UNC13D: variants seen among roughly 807,000 people sequenced by gnomAD.
The protein encoded by UNC13D is unc-13 homolog D.
In UNC13D, 115 loss-of-function variants were observed where a neutral mutation model predicts 151.7. The ratio of observed to expected loss-of-function variants is 0.76; its 90% CI spans 0.65 to 0.88. The LOEUF (loss-of-function observed/expected upper bound fraction) is 0.88, where lower values mean the gene tolerates loss of function less well. Among genes scored for constraint, UNC13D ranks in the 40% least tolerant of loss-of-function variants. The pLI, the probability that UNC13D is intolerant of heterozygous loss-of-function variation, is 0.00. For missense variants in UNC13D, 1,369 were observed against 1,438.7 expected, an observed-to-expected ratio of 0.95 and a Z score of 0.78; for synonymous variants, 588 against 612.2, an observed-to-expected ratio of 0.96 and a Z score of 0.58.
At chr17:75,835,950 G>A (rs2064905598) in intron 17 of UNC13D, 44 bp from the exon 18 acceptor site, 1 of 1,614,140 alleles carries the variant, frequency 6.2e-7, no homozygotes, top group Non-Finnish European at 8.5e-7. Context: ...ATACACCAGG[G>A]TCCCCATGGT....
chr17:75,841,012 A>G lies in UNC13D; in HGVS notation c.570-11T>C. 1 of 1,613,998 alleles carries G rather than the reference A, an allele frequency of 6.2e-7. No homozygotes were observed. ...ATGTCCTCAAACTCCCTGTATGGAG[A>G]AAAGGGCGTGGTTGAGGGCCCTGGA... is the stretch of plus-strand genomic sequence containing the variant. On this transcript the variant is annotated splice_polypyrimidine_tract_variant and intron_variant, in intron 6 of 31. Transcript: ENST00000207549.
At chr17:75,830,897 C>T (rs1241585635) in intron 27 of UNC13D, among the ~76,000 whole-genome samples, 4 of 152,078 alleles carry the variant, frequency 2.6e-5, no homozygotes, top group Non-Finnish European at 5.9e-5. Flanking sequence ...GCACACAGGG[C>T]CCCTGTGCTT....
intron 30 of UNC13D, among the ~76,000 whole-genome samples, chr17:75,829,486 G>A (rs1351285200): frequency 6.6e-6 from 1 of 151,662 alleles, no homozygotes; most frequent in Non-Finnish European, 1.5e-5. Context: ...GTAGAGACGG[G>A]GTTTCACCAT....
Position 75,836,858 on chromosome 17 carries a change from C to T in UNC13D, c.1116G>A (p.Leu372=), listed in dbSNP as rs756618238. Residue 372 remains leucine (L), a synonymous_variant, in exon 13 of 32, where the codon CTG becomes CTA. Transcript: ENST00000207549. ...GGTACTCGATGCTGGTGATGGGGTG[C>T]AGGAGGCAGCTGCTGGGGAACTCCA... ...QSLEFPSSCL[L]HPITSIEYQW... 6.8e-6 allele frequency: 11 copies of T among 1,613,830 alleles called. No homozygotes were observed. In the Admixed American group the frequency reaches 1.8e-4, roughly 27 times the overall value.
intron 6 of UNC13D, 136 bp downstream of exon 6, chr17:75,842,297 G>T: frequency 6.5e-6 from 8 of 1,231,140 alleles, no homozygotes; most frequent in Non-Finnish European, 8.9e-6. Flanking sequence ...CTGGAGATGG[G>T]CTTCTCCTCT....
chr17:75,841,108 C>G, intron 6 of UNC13D, 107 bp from the exon 7 acceptor site: 1 of 1,092,152 alleles, frequency 9.2e-7, no homozygotes, highest in Non-Finnish European at 1.4e-6. Flanking sequence ...CTATCCCTGC[C>G]AAACTTCCCT....
In UNC13D at chr17:75,839,868, C is replaced by G. The variant is rs2064934958; in HGVS notation, c.1026G>C (p.Lys342Asn). 4.3e-6 allele frequency: 7 copies of G among 1,613,938 alleles called. No individual in the cohort carries two copies. Among genetic ancestry groups the G allele is most frequent in the Non-Finnish European group, 5.1e-6 (6 of 1,180,016 alleles). Reference protein sequence around the residue: ...ATVLFLHATQKDLSDFHQSMA... With the variant: ...ATVLFLHATQNDLSDFHQSMA... ...TGGACTGGTGGAAGTCGGATAGGTCCTTCTGTGTGGCGTGCAGAAAGAGGA... is the reference window on the plus strand; with the variant it reads ...TGGACTGGTGGAAGTCGGATAGGTCGTTCTGTGTGGCGTGCAGAAAGAGGA... Residue 342 changes from lysine to asparagine, a missense_variant, in exon 12 of 32, where the codon AAG becomes AAC. Transcript: ENST00000207549.
Position 75,836,380 on chromosome 17 carries a change from T to C in UNC13D, c.1348A>G (p.Asn450Asp). The change falls in exon 15 of 32, where the codon AAC becomes GAC. Residue 450 changes from asparagine to aspartate, a missense_variant. Physicochemically the swap from Asn to Asp is conservative, Grantham distance 23 (BLOSUM62 1). This residue lies in a region of UNC13D where 550 missense variants were observed against 609.0 expected (regional missense o/e 0.90). Transcript: ENST00000207549. Reference sequence around the variant, plus strand: ...ACCAGCTGGGGCAATGGGGCGGTGTTGGGGCACAGTTCTCCAAAGGCCTTC... The same window carrying C: ...ACCAGCTGGGGCAATGGGGCGGTGTCGGGGCACAGTTCTCCAAAGGCCTTC... Reference protein sequence around the residue: ...KMKAFGELCPNTAPLPQLVTE... With the variant: ...KMKAFGELCPDTAPLPQLVTE... 1 of 1,613,874 alleles carries C rather than the reference T, an allele frequency of 6.2e-7. No individual in the cohort carries two copies. The highest frequency in any genetic ancestry group is 1.1e-5 in the South Asian group (1 of 91,084).
chr17:75,844,135 G>A, intron 1 of UNC13D, 86 bp downstream of exon 1: 1 of 1,554,076 alleles, frequency 6.4e-7, no homozygotes, highest in Admixed American at 1.7e-5. Context: ...CAGCCTTCGA[G>A]AGGTGGGGCC....
At chr17:75,829,027 A>G in intron 30 of UNC13D, 44 bp from the exon 31 acceptor site, 1 of 1,587,534 alleles carries the variant, frequency 6.3e-7, no homozygotes, top group Non-Finnish European at 8.5e-7. Context: ...CAGCACAGCC[A>G]CCCCAGCCTC....
intron 27 of UNC13D, among the ~76,000 whole-genome samples, 196 bp from the exon 28 acceptor site, chr17:75,830,857 C>T (rs146767675): frequency 0.017 from 2,613 of 152,294 alleles, 68 homozygotes; most frequent in African/African-American, 0.059. Context: ...GCTTCACAGG[C>T]GTGCTTCCCC....
In UNC13D at chr17:75,827,449, G is replaced by A. The variant is rs976111946; in HGVS notation, c.*516C>T. ...CTGGCCTGGATGCTGGCAGCCCCTG[G>A]GGAGAGGACCCAGGCCCCCTCTAGT... is the stretch of plus-strand genomic sequence containing the variant. On this transcript the variant is annotated 3_prime_UTR_variant, in exon 32 of 32. Transcript: ENST00000207549. 2.1e-6 allele frequency: 3 copies of A among 1,442,058 alleles called. No individual in the cohort carries two copies. In the African/African-American group the frequency reaches 4.3e-5, roughly 21 times the overall value. The allele number at this position is 1,442,058 out of a possible 1,614,324, so 89.3% of individuals were successfully genotyped here.
intron 12 of UNC13D, among the ~76,000 whole-genome samples, chr17:75,839,003 G>T (rs1383946452): frequency 2.6e-5 from 4 of 152,204 alleles, no homozygotes; most frequent in Non-Finnish European, 2.9e-5. Flanking sequence ...GGGAGGCTGA[G>T]GCAGGAGAAT....
chr17:75,841,621 T>TAGGAG (rs2064950178), intron 6 of UNC13D, among the ~76,000 whole-genome samples: 1 of 150,658 alleles, frequency 6.6e-6, no homozygotes, highest in East Asian at 2.0e-4. Context: ...TTTGTACTTT[T>TAGGAG]AGGAGAGGTG....
intron 31 of UNC13D, 81 bp from the exon 32 acceptor site, chr17:75,828,167 G>C: frequency 6.6e-7 from 1 of 1,508,068 alleles, no homozygotes; most frequent in South Asian, 1.2e-5. Flanking sequence ...GTGTGGGGGG[G>C]TACACAACAC....
At chr17:75,839,663 G>A (rs903919680) in intron 12 of UNC13D, among the ~76,000 whole-genome samples, 176 bp downstream of exon 12, 1 of 152,086 alleles carries the variant, frequency 6.6e-6, no homozygotes, top group Non-Finnish European at 1.5e-5. Flanking sequence ...GTGAGCCACC[G>A]CATCAGCCGA....
rs144078744 is a variant in UNC13D at position 75,836,346 on chromosome 17, G to A, written c.1382C>T (p.Ala461Val). The A allele has an allele frequency of 1.9e-5, 30 of 1,613,850 alleles. No homozygotes were observed. Among genetic ancestry groups the A allele is most frequent in the Non-Finnish European group, 2.5e-5 (30 of 1,180,038 alleles). ...CCAGCGCGAGTACCATACCTGCAGG[G>A]CCTCAGTCACCAGCTGGGGCAATGG... ...TAPLPQLVTE[A>V]LQTGTTEWFH... The change falls in exon 15 of 32, where the codon GCC becomes GTC. Residue 461 changes from alanine (A) to valine (V), a missense_variant. Around this residue, in one of 3 missense-constraint regions of UNC13D, gnomAD observed 12 missense variants for 34.3 expected, o/e 0.35. Coordinates refer to ENST00000207549, the MANE Select transcript of UNC13D (RefSeq NM_199242.3).
rs537781874 is a variant in UNC13D, at chr17:75,843,055, C to T, written c.280G>A (p.Glu94Lys). 65 of 1,408,420 alleles carry T rather than the reference C, an allele frequency of 4.6e-5. 1 individual carries two copies. Among genetic ancestry groups the T allele is most frequent in the Admixed American group, 4.1e-4 (22 of 53,100 alleles). The allele number at this position is 1,408,420 out of a possible 1,614,324, so 87.2% of individuals were successfully genotyped here. A position where few individuals can be genotyped will look rare whatever the true frequency, so the allele number is the denominator to read the frequency against. Reference protein sequence around the residue: ...YLQEAFHVEPEEHQQTLQRVR... With the variant: ...YLQEAFHVEPKEHQQTLQRVR... ...CGCTGCAGTGTCTGCTGGTGCTCCT[C>T]GGGCTCCACGTGGAAGGCCTGGTGG... is the stretch of plus-strand genomic sequence containing the variant. The change falls in exon 4 of 32, where the codon GAG becomes AAG. Residue 94 changes from glutamate to lysine, a missense_variant. Physicochemically the swap from Glu to Lys is moderately conservative, Grantham distance 56. Around this residue, in one of 3 missense-constraint regions of UNC13D, gnomAD observed 550 missense variants for 609.0 expected, o/e 0.90. Coordinates refer to ENST00000207549, the MANE Select transcript of UNC13D (RefSeq NM_199242.3).
chr17:75,827,803 G>A lies in UNC13D; in HGVS notation c.*162C>T. ...GTCGCTGCTGAGCCCCCATCACCAT[G>A]GGAGGCAGGGGAGGTCTGCACTCTG... On this transcript the variant is annotated 3_prime_UTR_variant, in exon 32 of 32. Transcript: ENST00000207549. 6.7e-7 allele frequency: 1 copy of A among 1,482,496 alleles called. No individual in the cohort carries two copies. The highest frequency in any genetic ancestry group is 9.0e-7 in the Non-Finnish European group (1 of 1,115,668). The allele number at this position is 1,482,496 out of a possible 1,614,324, so 91.8% of individuals were successfully genotyped here. A position where few individuals can be genotyped will look rare whatever the true frequency, so the allele number is the denominator to read the frequency against.
Sources: gnomAD v4.1 joint callset for allele counts (sites outside exome capture counted in the v4.1 genomes callset) on GRCh38, gnomAD v4.1.1 for gene constraint, gnomAD v4.1.1 regional missense constraint, MANE v1.5 for transcripts, NCBI Gene and HGNC (gene_info 2026-07-23, HGNC 2026-07-21) for gene names.